The following CABLES1 variants were observed in gnomAD, a reference collection of about 807,000 sequenced individuals.
CABLES1 encodes the protein CDK5 and ABL1 enzyme substrate 1.
CABLES1 carries 36 observed loss-of-function variants against 57.8 expected under a neutral mutation model. The ratio of observed to expected loss-of-function variants is 0.62; its 90% CI spans 0.48 to 0.82. The LOEUF (loss-of-function observed/expected upper bound fraction) is 0.82. Ranked by LOEUF, CABLES1 falls within the 40% of genes least tolerant of loss-of-function variation. The probability of loss-of-function intolerance (pLI) is 0.00; values close to 1 mark genes in which losing one functional copy is unlikely to be tolerated. For synonymous variants in CABLES1, 374 were observed against 363.0 expected (o/e 1.03, Z -0.35); for missense variants, 767 against 836.6 (o/e 0.92, Z 1.03).
chr18:23,232,224 C>T (rs937349682), intron 4 of CABLES1, among the ~76,000 whole-genome samples: 2 of 152,186 alleles, frequency 1.3e-5, no homozygotes, highest in African/African-American at 2.4e-5. Flanking sequence ...CTACTTCTCT[C>T]TTAATTTCAG....
Position 23,136,308 on chromosome 18 carries a change from G to T in CABLES1, c.546G>T (p.Pro182=). Residue 182 remains proline (P), a synonymous_variant, in exon 1 of 10, where the codon CCG becomes CCT. Coordinates refer to ENST00000256925, the MANE Select transcript of CABLES1 (RefSeq NM_001100619.3). ...GGGCGTCGGGGGAGCAGTGGCAGCC[G>T]CCCCGGCCGGCGCCTCTCGCCGCCT... ...AGRASGEQWQ[P]PRPAPLAACA... 1 of 1,395,708 alleles carries T rather than the reference G, an allele frequency of 7.2e-7. No homozygotes were observed. Among genetic ancestry groups the T allele is most frequent in the South Asian group, 1.7e-5 (1 of 59,822 alleles). The allele number at this position is 1,395,708 out of a possible 1,614,324, so 86.5% of individuals were successfully genotyped here.
At position 23,225,118 on chromosome 18, in the gene CABLES1, C is replaced by T. The variant is rs147150733; in HGVS notation, c.1089-9490C>T. Among the ~76,000 whole-genome samples, 319 of 152,318 alleles carry T rather than the reference C, an allele frequency of 2.1e-3. 1 individual carries two copies. Among genetic ancestry groups the T allele is most frequent in the African/African-American group, 7.3e-3 (302 of 41,570 alleles). On this transcript the variant is annotated intron_variant, in intron 4 of 9. Transcript: ENST00000256925. ...CTGGGCTCAAGCCATCCTCCCACCT[C>T]GGCCTTCTAAAGTGCTGGGATTACA...
chr18:23,220,595 G>T (rs1414173533), intron 4 of CABLES1, among the ~76,000 whole-genome samples: 1 of 152,190 alleles, frequency 6.6e-6, no homozygotes, highest in Non-Finnish European at 1.5e-5. Context: ...TTGGGGCTGG[G>T]TGTGCTGGCT....
intron 7 of CABLES1, among the ~76,000 whole-genome samples, chr18:23,249,695 C>T (rs779521650): frequency 6.6e-6 from 1 of 152,172 alleles, no homozygotes; most frequent in Non-Finnish European, 1.5e-5. Context: ...GGGTGAGGCT[C>T]AGGGAGGTTG....
At chr18:23,246,686 C>G (rs562741910) in intron 7 of CABLES1, among the ~76,000 whole-genome samples, 1 of 151,608 alleles carries the variant, frequency 6.6e-6, no homozygotes, top group East Asian at 1.9e-4. Context: ...CCACCGCACC[C>G]GGCCAGTTTT....
chr18:23,135,711 G>C lies in CABLES1; in HGVS notation c.-52G>C. On this transcript the variant is annotated 5_prime_UTR_variant, in exon 1 of 10. Transcript: ENST00000256925. Reference sequence around the variant, plus strand: ...GCTCGCGCCCGCCGCTTAGCGCTCGGGCGCCGCTCGCTTCTCCGGGCATCG... The same window carrying C: ...GCTCGCGCCCGCCGCTTAGCGCTCGCGCGCCGCTCGCTTCTCCGGGCATCG... 1.0e-6 allele frequency: 1 copy of C among 984,846 alleles called. No individual in the cohort carries two copies. The highest frequency in any genetic ancestry group is 1.2e-6 in the Non-Finnish European group (1 of 830,998). 61.0% of individuals were successfully genotyped at this position (984,846 alleles called of 1,614,324 possible). A position where few individuals can be genotyped will look rare whatever the true frequency, so the allele number is the denominator to read the frequency against.
At chr18:23,151,847 G>C (rs536386629) in intron 1 of CABLES1, among the ~76,000 whole-genome samples, 1 of 152,170 alleles carries the variant, frequency 6.6e-6, no homozygotes, top group Non-Finnish European at 1.5e-5. Context: ...GAGGAGCAGC[G>C]GGTTTGAAGA....
At chr18:23,246,424 C>T (rs1352706783) in intron 7 of CABLES1, among the ~76,000 whole-genome samples, 4 of 151,988 alleles carry the variant, frequency 2.6e-5, no homozygotes, top group Admixed American at 2.6e-4. Context: ...CGGAGTCTTG[C>T]TCTGTCGCCC....
intron 4 of CABLES1, among the ~76,000 whole-genome samples, chr18:23,222,159 CCT>C (rs2047492386): frequency 6.6e-6 from 1 of 152,046 alleles, no homozygotes; most frequent in African/African-American, 2.4e-5. Flanking sequence ...CCTCTCCAGC[CCT>C]CTCTCAGCAC....
chr18:23,251,719 T>TATACA (rs1295790936), intron 7 of CABLES1, among the ~76,000 whole-genome samples: 1 of 152,210 alleles, frequency 6.6e-6, no homozygotes, highest in Non-Finnish European at 1.5e-5. Flanking sequence ...GTTACCATTA[T>TATACA]ATACATATGG....
At chr18:23,182,661 C>G (rs1028040522) in intron 1 of CABLES1, among the ~76,000 whole-genome samples, 1 of 152,256 alleles carries the variant, frequency 6.6e-6, no homozygotes, top group African/African-American at 2.4e-5. Context: ...TCATTTCATA[C>G]TGGAAGCAGA....
intron 1 of CABLES1, among the ~76,000 whole-genome samples, chr18:23,137,106 C>T (rs948822955): frequency 6.6e-6 from 1 of 152,216 alleles, no homozygotes; most frequent in Non-Finnish European, 1.5e-5. Flanking sequence ...TCTTGCGGCC[C>T]GGGGAAACTT....
In CABLES1 at chr18:23,189,246, A is replaced by G. The variant is rs1050784831; in HGVS notation, c.917+337A>G. Reference sequence around the variant, plus strand: ...CCCCAGGTGCAGTCACACAGTAGGTACAGTCCTGGACTTCATTCTCAGCAG... The same window carrying G: ...CCCCAGGTGCAGTCACACAGTAGGTGCAGTCCTGGACTTCATTCTCAGCAG... On this transcript the variant is annotated intron_variant, in intron 2 of 9. Transcript: ENST00000256925. 1.4e-5 allele frequency: 3 copies of G among 219,348 alleles called. No homozygotes were observed. The East Asian group carries it at 3.9e-4, about 29-fold the overall frequency. The allele number at this position is 219,348 out of a possible 1,614,324, so 13.6% of individuals were successfully genotyped here.
intron 3 of CABLES1, among the ~76,000 whole-genome samples, chr18:23,213,146 G>A (rs773044888): frequency 2.0e-5 from 3 of 152,164 alleles, no homozygotes; most frequent in Admixed American, 6.5e-5. Flanking sequence ...GATGCATGTA[G>A]TAGTAGAACC....
chr18:23,237,236 T>C lies in CABLES1; in HGVS notation c.1437T>C (p.Pro479=). 2 of 1,607,494 alleles carry C rather than the reference T, an allele frequency of 1.2e-6. No individual in the cohort carries two copies. Among genetic ancestry groups the C allele is most frequent in the Non-Finnish European group, 1.7e-6 (2 of 1,173,930 alleles). The change falls in exon 7 of 10, where the codon CCT becomes CCC. Residue 479 remains proline (P), a synonymous_variant. Coordinates refer to ENST00000256925, the MANE Select transcript of CABLES1 (RefSeq NM_001100619.3). ...CGKHKRVLIF[P]SYMTTVIDYV... is the part of the protein sequence containing the mutation. Reference sequence around the variant, plus strand: ...AACACAAACGCGTTCTGATCTTCCCTTCCTACATGGTGAGTAGCGTGGAAT... The same window carrying C: ...AACACAAACGCGTTCTGATCTTCCCCTCCTACATGGTGAGTAGCGTGGAAT...
chr18:23,153,538 A>G (rs1427365506), intron 1 of CABLES1, among the ~76,000 whole-genome samples: 1 of 152,108 alleles, frequency 6.6e-6, no homozygotes, highest in Non-Finnish European at 1.5e-5. Flanking sequence ...GTGCTAGACC[A>G]GGCTGACCAA....
At chr18:23,198,152 AG>A (rs1002026872) in intron 3 of CABLES1, 4 of 149,050 alleles carry the variant, frequency 2.7e-5, no homozygotes, top group African/African-American at 1.0e-4. Flanking sequence ...CCCAGCTATT[AG>A]GGAGGCTGAG....
At position 23,191,947 on chromosome 18, in the gene CABLES1, C is replaced by T. The variant is rs7505693; in HGVS notation, c.918-2501C>T. Among the ~76,000 whole-genome samples, 4 of 129,052 alleles carry T rather than the reference C, an allele frequency of 3.1e-5. No homozygotes were observed. In the South Asian group the frequency reaches 1.1e-3, roughly 34 times the overall value. 84.7% of individuals were successfully genotyped at this position (129,052 alleles called of 152,430 possible). A position where few individuals can be genotyped will look rare whatever the true frequency, so the allele number is the denominator to read the frequency against. ...AAAAAAAAAAAAAAAAAAAAGGCAA[C>T]ACAACAAACAGCTTGCTTAATGAAG... On this transcript the variant is annotated intron_variant, in intron 2 of 9. Transcript: ENST00000256925.
chr18:23,226,131 C>T (rs1035979234), intron 4 of CABLES1, among the ~76,000 whole-genome samples: 1 of 152,220 alleles, frequency 6.6e-6, no homozygotes, highest in African/African-American at 2.4e-5. Flanking sequence ...CAGCTGGGCA[C>T]AGTGGCTCAT....
Sources: gnomAD v4.1 joint callset for allele counts (sites outside exome capture counted in the v4.1 genomes callset) on GRCh38, gnomAD v4.1.1 for gene constraint, MANE v1.5 for transcripts, NCBI Gene and HGNC (gene_info 2026-07-23, HGNC 2026-07-21) for gene names.